JAG1: variants seen among roughly 807,000 people sequenced by gnomAD.
JAG1 encodes jagged canonical Notch ligand 1.
In JAG1, 23 loss-of-function variants were observed where a neutral mutation model predicts 148.7. The observed-to-expected ratio is 0.15, with a 90% confidence interval of 0.11 to 0.22. The LOEUF (loss-of-function observed/expected upper bound fraction) is 0.22, where lower values mean the gene tolerates loss of function less well. JAG1 is among the 10% of genes least tolerant of loss of function. The probability of loss-of-function intolerance (pLI) is 1.00; values close to 1 mark genes in which losing one functional copy is unlikely to be tolerated. For synonymous variants in JAG1, 572 were observed against 598.3 expected (o/e 0.96, Z 0.64); for missense variants, 1,054 against 1,611.2 (o/e 0.65, Z 5.92).
chr20:10,640,094 T>A, intron 25 of JAG1, 139 bp from the exon 26 acceptor site: 1 of 726,576 alleles, frequency 1.4e-6, no homozygotes, highest in African/African-American at 1.7e-5. Flanking sequence ...TCCCTTTTCA[T>A]CATTGCATAT....
At chr20:10,658,776 G>A in intron 3 of JAG1, 54 bp from the exon 4 acceptor site, 1 of 1,602,040 alleles carries the variant, frequency 6.2e-7, no homozygotes, top group South Asian at 1.1e-5. Flanking sequence ...CTTCTTCCCT[G>A]ACCATTTTGG....
At chr20:10,658,447 C>T (rs2067392803) in intron 4 of JAG1, 21 bp downstream of exon 4, 1 of 1,613,062 alleles carries the variant, frequency 6.2e-7, no homozygotes, top group South Asian at 1.1e-5. Context: ...CACACGTGCA[C>T]ATGCACACAC....
chr20:10,662,843 A>G (rs1203392491), intron 3 of JAG1, among the ~76,000 whole-genome samples: 1 of 152,082 alleles, frequency 6.6e-6, no homozygotes, highest in Non-Finnish European at 1.5e-5. Flanking sequence ...TGACATCCAA[A>G]AAGCTGGACT....
At position 10,672,681 on chromosome 20, in the gene JAG1, C is replaced by T. The variant is rs773666724; in HGVS notation, c.387+20G>A. 6.2e-6 allele frequency: 10 copies of T among 1,611,064 alleles called. No individual in the cohort carries two copies. The highest frequency in any genetic ancestry group is 1.1e-5 in the South Asian group (1 of 91,054). Reference sequence around the variant, plus strand: ...CGGGTGTGAGGCTCCGCCCGGCCTCCTTCCCGAGTAGTCACTCACCGGCCA... The same window carrying T: ...CGGGTGTGAGGCTCCGCCCGGCCTCTTTCCCGAGTAGTCACTCACCGGCCA... On this transcript the variant is annotated intron_variant, in intron 2 of 25. Transcript: ENST00000254958.
chr20:10,673,211 T>G lies in JAG1; in HGVS notation c.82-205A>C, dbSNP rs1211307672. ...CGAGTGCGGAAGAAATCCGACGACTTCCCGGGGGGCAACAGCGGAGCGAAC... is the reference window on the plus strand; with the variant it reads ...CGAGTGCGGAAGAAATCCGACGACTGCCCGGGGGGCAACAGCGGAGCGAAC... On this transcript the variant is annotated intron_variant, in intron 1 of 25. Transcript: ENST00000254958. The surrounding 1 kb of genome is among the most constrained non-coding windows in gnomAD (Gnocchi z 4.7). Among the ~76,000 whole-genome samples the G allele has an allele frequency of 1.3e-5, 2 of 149,364 alleles. No individual in the cohort carries two copies. The highest frequency in any genetic ancestry group is 3.0e-5 in the Non-Finnish European group (2 of 67,648).
At chr20:10,650,435 C>T (rs55989800) in intron 8 of JAG1, 75 bp from the exon 9 acceptor site, 1 of 828,840 alleles carries the variant, frequency 1.2e-6, no homozygotes, top group African/African-American at 1.7e-5. Context: ...AACATCACCT[C>T]TTACATGAGG....
chr20:10,643,619 C>T (rs892186767), intron 20 of JAG1, among the ~76,000 whole-genome samples, 159 bp downstream of exon 20: 15 of 152,318 alleles, frequency 9.8e-5, no homozygotes, highest in Middle Eastern at 6.8e-3. Flanking sequence ...AGGATCCAGC[C>T]TGGCATATCT....
rs1017323234 is a variant in JAG1, at chr20:10,644,917, C to T, written c.2290G>A (p.Glu764Lys). 2.5e-6 allele frequency: 4 copies of T among 1,614,106 alleles called. No individual in the cohort carries two copies. The highest frequency in any genetic ancestry group is 1.1e-5 in the South Asian group (1 of 91,076). ...HNGGTCVVNG[E>K]SFTCVCKEGW... is the part of the protein sequence containing the mutation. Reference sequence around the variant, plus strand: ...TCCTTGCAGACGCACGTAAAGGACTCGCCGTTGACCACACATGTGCCCCCA... The same window carrying T: ...TCCTTGCAGACGCACGTAAAGGACTTGCCGTTGACCACACATGTGCCCCCA... The change falls in exon 18 of 26, where the codon GAG (glutamate) becomes AAG (lysine). Residue 764 changes from glutamate to lysine, a missense_variant. Around this residue, in one of 6 missense-constraint regions of JAG1, gnomAD observed 342 missense variants for 514.6 expected, o/e 0.66. Coordinates refer to ENST00000254958, the MANE Select transcript of JAG1 (RefSeq NM_000214.3).
rs753055785 is a variant in JAG1 at position 10,645,125 on chromosome 20, C to T, written c.2227+18G>A. 6 of 1,599,016 alleles carry T rather than the reference C, an allele frequency of 3.8e-6. No homozygotes were observed. The African/African-American group carries it at 4.0e-5, about 11-fold the overall frequency. ...GTGGCCATGCCCACTGCAGATCCCACGTGGGGCATAAAGTTACCTATGTTA... is the reference window on the plus strand; with the variant it reads ...GTGGCCATGCCCACTGCAGATCCCATGTGGGGCATAAAGTTACCTATGTTA... On this transcript the variant is annotated intron_variant, in intron 17 of 25. Coordinates refer to ENST00000254958, the MANE Select transcript of JAG1 (RefSeq NM_000214.3). This position sits in a 1 kb window ranked among gnomAD's most constrained non-coding sequence, Gnocchi z 6.1.
chr20:10,650,821 G>A, intron 8 of JAG1: 1 of 182,822 alleles, frequency 5.5e-6, no homozygotes, highest in South Asian at 1.2e-4. Context: ...TCTGACCAGA[G>A]ACAACTCCTA....
intron 19 of JAG1, 70 bp from the exon 20 acceptor site, chr20:10,643,933 G>T: frequency 8.7e-7 from 1 of 1,145,924 alleles, no homozygotes; most frequent in Non-Finnish European, 1.3e-6. Flanking sequence ...TCACTCACAT[G>T]TCACCACACC....
chr20:10,673,166 C>CAAAA lies in JAG1; in HGVS notation c.82-164_82-161dup. ...TCAAGGACTCAACATGATTCCGGGG[C>CAAAA]AAAAAAAAAAAAAAATGCACGAGTG... On this transcript the variant is annotated intron_variant, in intron 1 of 25. Coordinates refer to ENST00000254958, the MANE Select transcript of JAG1 (RefSeq NM_000214.3). The surrounding 1 kb of genome is among the most constrained non-coding windows in gnomAD (Gnocchi z 4.7). 6.8e-6 allele frequency: 4 copies of CAAAA among 590,672 alleles called. No individual in the cohort carries two copies. The highest frequency in any genetic ancestry group is 3.0e-5 in the Admixed American group (1 of 33,812). 36.6% of individuals were successfully genotyped at this position (590,672 alleles called of 1,614,324 possible). A position where few individuals can be genotyped will look rare whatever the true frequency, so the allele number is the denominator to read the frequency against.
Position 10,648,559 on chromosome 20 carries a change from T to G in JAG1, c.1559A>C (p.Asn520Thr). 1.9e-6 allele frequency: 3 copies of G among 1,613,292 alleles called. No homozygotes were observed. The highest frequency in any genetic ancestry group is 2.5e-6 in the Non-Finnish European group (3 of 1,179,958). Residue 520 changes from asparagine (N) to threonine (T), a missense_variant, in exon 12 of 26, where the codon AAC (asparagine) becomes ACC (threonine). Asn to Thr is a moderately conservative substitution (Grantham distance 65, BLOSUM62 0). This residue lies in a region of JAG1 where 245 missense variants were observed against 373.1 expected (regional missense o/e 0.66). Transcript: ENST00000254958. ...TTTGCCACCACTCACCTGACAGAGG[T>G]TTCCAGAGAAACCAGTGGGACACAG... ...QCLCPTGFSGNLCQLDIDYCE... is the reference protein window; with the variant it reads ...QCLCPTGFSGTLCQLDIDYCE...
At position 10,641,571 on chromosome 20, in the gene JAG1, C is replaced by G; in HGVS notation, c.2805G>C (p.Glu935Asp). 1 of 1,614,212 alleles carries G rather than the reference C, an allele frequency of 6.2e-7. No individual in the cohort carries two copies. Among genetic ancestry groups the G allele is most frequent in the South Asian group, 1.1e-5 (1 of 91,088 alleles). The change falls in exon 23 of 26, where the codon GAG becomes GAC. Residue 935 changes from glutamate (E) to aspartate (D), a missense_variant. Glu to Asp is a conservative substitution (Grantham distance 45). This residue lies in a region of JAG1 where 342 missense variants were observed against 514.6 expected (regional missense o/e 0.66). Transcript: ENST00000254958. ...CFVHPCTGVG[E>D]CRSSSLQPVK... ...CCGGCTGGAGACTGGAAGACCGACA[C>G]TCGCCCACACCAGTGCAGGGGTGGA... is the stretch of plus-strand genomic sequence containing the variant.
intron 12 of JAG1, 127 bp downstream of exon 12, chr20:10,648,420 TCA>T (rs2067323681): frequency 3.7e-6 from 3 of 817,360 alleles, no homozygotes; most frequent in Non-Finnish European, 6.3e-6. Context: ...AGAGACTCTC[TCA>T]TCAATAGGAT....
At chr20:10,653,368 G>A (rs1034624870) in intron 5 of JAG1, among the ~76,000 whole-genome samples, 3 of 148,532 alleles carry the variant, frequency 2.0e-5, no homozygotes, top group Admixed American at 6.8e-5. Context: ...ATACTCTTTT[G>A]GGGCCAAATA....
rs1211240187 is a variant in JAG1 at position 10,643,800 on chromosome 20, A to T, written c.2436T>A (p.Phe812Leu). 2 of 1,614,070 alleles carry T rather than the reference A, an allele frequency of 1.2e-6. No homozygotes were observed. Among genetic ancestry groups the T allele is most frequent in the Admixed American group, 3.3e-5 (2 of 60,022 alleles). The change falls in exon 20 of 26, where the codon TTT becomes TTA. Residue 812 changes from phenylalanine (F) to leucine (L), a missense_variant. Coordinates refer to ENST00000254958, the MANE Select transcript of JAG1 (RefSeq NM_000214.3). Reference sequence around the variant, plus strand: ...TACTTATTCTGCAGTCGGGCCCAGCAAAACCCGGGGCACATTCGCACCGGT... The same window carrying T: ...TACTTATTCTGCAGTCGGGCCCAGCTAAACCCGGGGCACATTCGCACCGGT... ...NWYRCECAPG[F>L]AGPDCRININ...
At chr20:10,644,523 G>A in intron 18 of JAG1, 139 bp from the exon 19 acceptor site, 1 of 739,790 alleles carries the variant, frequency 1.4e-6, no homozygotes, top group Non-Finnish European at 2.4e-6. Context: ...TTGCTAAATT[G>A]GAACCAGGCC....
At chr20:10,643,704 G>C (rs1368412349) in intron 20 of JAG1, 74 bp downstream of exon 20, 2 of 1,156,254 alleles carry the variant, frequency 1.7e-6, no homozygotes, top group Non-Finnish European at 1.3e-6. Flanking sequence ...TGTTTTTAAA[G>C]ATGAAAGTCT....
Sources: allele counts gnomAD v4.1 joint callset (sites outside exome capture counted in the v4.1 genomes callset), GRCh38; gene constraint gnomAD v4.1.1; regional missense constraint gnomAD v4.1.1; non-coding constraint Gnocchi (gnomAD v3.1); transcripts MANE v1.5; gene names NCBI Gene and HGNC (gene_info 2026-07-23, HGNC 2026-07-21).